The following BICRAL variants were observed in gnomAD, a reference collection of about 807,000 sequenced individuals.
The protein encoded by BICRAL is BICRA like chromatin remodeling complex associated protein, also known as BRD4-interacting chromatin-remodeling complex-associated protein-like.
A neutral mutation model predicts 91.8 loss-of-function variants in BICRAL; 8 were observed. The observed-to-expected ratio is 0.09, with a 90% CI of 0.05 to 0.16. The LOEUF (loss-of-function observed/expected upper bound fraction) is 0.16, where lower values mean the gene tolerates loss of function less well. Among genes scored for constraint, BICRAL ranks in the 10% least tolerant of loss-of-function variants. BICRAL has a pLI of 1.00. For missense variants in BICRAL, 1,038 were observed against 1,310.9 expected (o/e 0.79, Z 3.21); for synonymous variants, 445 against 491.1 (o/e 0.91, Z 1.24).
chr6:42,832,143 T>C (rs1764501672), intron 6 of BICRAL, among the ~76,000 whole-genome samples: 2 of 148,038 alleles, frequency 1.4e-5, no homozygotes, highest in South Asian at 4.4e-4. Context: ...AGGCCAGGAG[T>C]TCAAGACCAG....
At chr6:42,851,636 A>G (rs1279377897) in intron 6 of BICRAL, among the ~76,000 whole-genome samples, 1 of 152,238 alleles carries the variant, frequency 6.6e-6, no homozygotes, top group Admixed American at 6.5e-5. Context: ...TCATCTACAC[A>G]GCAAAACAAT....
intron 2 of BICRAL, among the ~76,000 whole-genome samples, chr6:42,814,520 T>TATATATATA (rs1491538864): frequency 5.1e-4 from 21 of 41,172 alleles, no homozygotes; most frequent in South Asian, 3.0e-3. Context: ...TATATATATA[T>TATATATATA]TTTTTTTTTT....
intron 6 of BICRAL, among the ~76,000 whole-genome samples, chr6:42,845,763 T>TA (rs1031196171): frequency 7.9e-5 from 12 of 152,118 alleles, no homozygotes; most frequent in South Asian, 2.1e-4. Flanking sequence ...TGGAAAGCTT[T>TA]AAAAAGTTAT....
chr6:42,810,066 C>T (rs1446603014), intron 1 of BICRAL, among the ~76,000 whole-genome samples: 11 of 152,174 alleles, frequency 7.2e-5, no homozygotes, highest in Non-Finnish European at 1.2e-4. Context: ...GGATTACAGG[C>T]GTGAGCCACT....
intron 11 of BICRAL, 67 bp from the exon 12 acceptor site, chr6:42,862,443 T>C: frequency 1.0e-6 from 1 of 1,003,612 alleles, no homozygotes; most frequent in Non-Finnish European, 1.6e-6. Context: ...ATGTGTAAAT[T>C]ATTTTTTCCA....
At chr6:42,861,869 C>T (rs1490989175) in intron 11 of BICRAL, among the ~76,000 whole-genome samples, 1 of 151,886 alleles carries the variant, frequency 6.6e-6, no homozygotes, top group Non-Finnish European at 1.5e-5. Flanking sequence ...TGTGGTGGTG[C>T]GTGCCTGTAA....
intron 1 of BICRAL, among the ~76,000 whole-genome samples, chr6:42,792,437 T>A (rs1763301376): frequency 1.3e-5 from 2 of 150,934 alleles, no homozygotes; most frequent in Non-Finnish European, 3.0e-5. Flanking sequence ...CCAGCTAATT[T>A]TTTTTTTTTT....
chr6:42,762,778 T>A (rs1240113812), intron 1 of BICRAL, among the ~76,000 whole-genome samples: 1 of 152,022 alleles, frequency 6.6e-6, no homozygotes, highest in Non-Finnish European at 1.5e-5. Context: ...GTAAAATAAC[T>A]TAAGCCTGGT....
chr6:42,829,998 T>C lies in BICRAL; in HGVS notation c.1665T>C (p.Ser555=), dbSNP rs1482625904. Residue 555 remains serine, a synonymous_variant, in exon 6 of 13, where the codon TCT becomes TCC. Transcript: ENST00000314073. ...GCACTGCCCATCCTAGTCTTGGGTCTGCAGTTCAGTCTGGTTCATCAGGAT... is the reference window on the plus strand; with the variant it reads ...GCACTGCCCATCCTAGTCTTGGGTCCGCAGTTCAGTCTGGTTCATCAGGAT... ...SASTAHPSLG[S]AVQSGSSGSN... is the part of the protein sequence containing the mutation. 1 of 1,614,228 alleles carries C rather than the reference T, an allele frequency of 6.2e-7. No homozygotes were observed. Among genetic ancestry groups the C allele is most frequent in the South Asian group, 1.1e-5 (1 of 91,088 alleles).
chr6:42,840,687 C>A (rs1420026191), intron 6 of BICRAL, among the ~76,000 whole-genome samples: 3 of 152,046 alleles, frequency 2.0e-5, no homozygotes, highest in African/African-American at 7.2e-5. Context: ...CAGGCGCCTG[C>A]CACCATGCCT....
At chr6:42,821,892 A>G in intron 2 of BICRAL, 126 bp from the exon 3 acceptor site, 1 of 553,432 alleles carries the variant, frequency 1.8e-6, no homozygotes, top group Non-Finnish European at 3.2e-6. Context: ...TATTAAGCAG[A>G]GGAAAACTCA....
intron 1 of BICRAL, among the ~76,000 whole-genome samples, chr6:42,767,401 G>A (rs1050080197): frequency 6.6e-6 from 1 of 152,088 alleles, no homozygotes; most frequent in Admixed American, 6.5e-5. Context: ...GCCTCACCAT[G>A]GATGCCACCA....
intron 9 of BICRAL, 144 bp from the exon 10 acceptor site, chr6:42,856,947 A>G: frequency 1.5e-6 from 1 of 648,028 alleles, no homozygotes; most frequent in Non-Finnish European, 2.6e-6. Flanking sequence ...TAAGTTATAA[A>G]CCCACTATGG....
intron 6 of BICRAL, among the ~76,000 whole-genome samples, chr6:42,851,740 A>G (rs1188156312): frequency 6.6e-6 from 1 of 152,220 alleles, no homozygotes; most frequent in Admixed American, 6.6e-5. Flanking sequence ...AGTCAGGATC[A>G]TAATCCTAGC....
At chr6:42,753,413 G>C (rs1582797050) in intron 1 of BICRAL, among the ~76,000 whole-genome samples, 2 of 152,064 alleles carry the variant, frequency 1.3e-5, no homozygotes, top group African/African-American at 4.8e-5. Context: ...AGTGGTGGGG[G>C]TTGCCTTGTT....
Position 42,852,117 on chromosome 6 carries a change from C to T in BICRAL, c.1865C>T (p.Thr622Ile). ...CQAQKKCLNQTSPISAPKTTD... is the reference protein window; with the variant it reads ...CQAQKKCLNQISPISAPKTTD... ...GCTCAGAAAAAATGTCTGAATCAGA[C>T]TTCCCCCATTTCTGCTCCCAAGACC... The change falls in exon 7 of 13, where the codon ACT becomes ATT. Residue 622 changes from threonine to isoleucine, a missense_variant. Around this residue, in one of 5 missense-constraint regions of BICRAL, gnomAD observed 532 missense variants for 724.9 expected, o/e 0.73. Transcript: ENST00000314073. 1 of 1,609,036 alleles carries T rather than the reference C, an allele frequency of 6.2e-7. No individual in the cohort carries two copies. The highest frequency in any genetic ancestry group is 8.5e-7 in the Non-Finnish European group (1 of 1,175,824).
At chr6:42,857,614 A>AAAAAAAAAT in intron 10 of BICRAL, among the ~76,000 whole-genome samples, 1,170 of 96,038 alleles carry the variant, frequency 0.012, 11 homozygotes, top group Non-Finnish European at 0.016. Context: ...AAAAAAAAAA[A>AAAAAAAAAT]ATATATATAT....
chr6:42,782,733 CGCCCCCCGGA>C (rs1762955397), intron 1 of BICRAL, among the ~76,000 whole-genome samples: 1 of 151,164 alleles, frequency 6.6e-6, no homozygotes, highest in Admixed American at 6.6e-5. Context: ...GTGTGTTTTC[CGCCCCCCGGA>C]GCCGCCGGGA....
intron 6 of BICRAL, among the ~76,000 whole-genome samples, chr6:42,851,506 A>G (rs1332409405): frequency 1.3e-5 from 2 of 152,250 alleles, no homozygotes; most frequent in Admixed American, 6.5e-5. Context: ...TAATTTTTCT[A>G]ATTATATTTT....
Sources: gnomAD v4.1 joint callset for allele counts (sites outside exome capture counted in the v4.1 genomes callset) on GRCh38, gnomAD v4.1.1 for gene constraint, gnomAD v4.1.1 regional missense constraint, MANE v1.5 for transcripts, NCBI Gene and HGNC (gene_info 2026-07-23, HGNC 2026-07-21) for gene names.